Variants in RBFOX3 observed in about 807,000 individuals in gnomAD.
RBFOX3 encodes the protein RNA binding fox-1 homolog 3.
A neutral mutation model predicts 48.7 loss-of-function variants in RBFOX3; 17 were observed. That is an observed-to-expected ratio of 0.35 (90% CI 0.24 to 0.52). The LOEUF (loss-of-function observed/expected upper bound fraction) is 0.52, where lower values mean the gene tolerates loss of function less well. Ranked by LOEUF, RBFOX3 falls within the 20% of genes least tolerant of loss-of-function variation. The pLI, the probability that RBFOX3 is intolerant of heterozygous loss-of-function variation, is 0.94. For synonymous variants in RBFOX3, 212 were observed against 209.5 expected (o/e 1.01, Z -0.10); for missense variants, 382 against 497.5 (o/e 0.77, Z 2.21).
chr17:79,344,094 T>A (rs2082505490), intron 2 of RBFOX3, among the ~76,000 whole-genome samples: 1 of 152,194 alleles, frequency 6.6e-6, no homozygotes, highest in African/African-American at 2.4e-5. Context: ...GTGGGCTACA[T>A]GCACCCCTGT....
intron 3 of RBFOX3, among the ~76,000 whole-genome samples, chr17:79,262,701 C>A (rs1478270555): frequency 6.6e-6 from 1 of 152,186 alleles, no homozygotes; most frequent in Non-Finnish European, 1.5e-5. Context: ...TCTGTGGCTG[C>A]CCCGTGTGCC....
At chr17:79,503,751 C>G (rs1362427978) in intron 1 of RBFOX3, among the ~76,000 whole-genome samples, 1 of 152,190 alleles carries the variant, frequency 6.6e-6, no homozygotes, top group East Asian at 1.9e-4. Flanking sequence ...GAAGCCGGTT[C>G]CCAGGAGCTG....
chr17:79,578,131 G>T (rs1358896427), intron 1 of RBFOX3, among the ~76,000 whole-genome samples: 1 of 152,252 alleles, frequency 6.6e-6, no homozygotes, highest in Non-Finnish European at 1.5e-5. Flanking sequence ...GAGGGAAGGG[G>T]GGTGGCCCAA....
At chr17:79,505,886 A>G (rs2083043243) in intron 1 of RBFOX3, among the ~76,000 whole-genome samples, 1 of 152,206 alleles carries the variant, frequency 6.6e-6, no homozygotes, top group Non-Finnish European at 1.5e-5. Flanking sequence ...CCAGGCAACC[A>G]AGGTGGGGTC....
intron 4 of RBFOX3, among the ~76,000 whole-genome samples, chr17:79,180,155 G>C (rs1176976677): frequency 6.6e-6 from 1 of 152,222 alleles, no homozygotes; most frequent in Non-Finnish European, 1.5e-5. Context: ...TGAGAAGACA[G>C]AGGGACCAAC....
At chr17:79,387,850 A>G (rs1393502638) in intron 2 of RBFOX3, among the ~76,000 whole-genome samples, 4 of 152,244 alleles carry the variant, frequency 2.6e-5, no homozygotes. Flanking sequence ...TAACGTGTGC[A>G]TGGGTATGTG....
intron 3 of RBFOX3, among the ~76,000 whole-genome samples, chr17:79,304,538 C>T (rs962389024): frequency 2.0e-5 from 3 of 151,640 alleles, no homozygotes; most frequent in Admixed American, 2.0e-4. Flanking sequence ...TCACACACAT[C>T]ACACACGCAC....
chr17:79,574,121 T>C (rs962525863), intron 1 of RBFOX3, among the ~76,000 whole-genome samples: 3,581 of 152,224 alleles, frequency 0.024, 149 homozygotes, highest in African/African-American at 0.081. Flanking sequence ...CACGGAGAAG[T>C]TACAGAAGGT....
intron 3 of RBFOX3, among the ~76,000 whole-genome samples, chr17:79,274,820 G>C (rs958803183): frequency 2.0e-5 from 3 of 151,834 alleles, no homozygotes; most frequent in Non-Finnish European, 4.4e-5. Context: ...CCCTGACCAC[G>C]GTCCCGCCAG....
rs143733933 is a variant in RBFOX3 at position 79,363,337 on chromosome 17, C to T, written c.-174-55513G>A. ...CTGTGAATGGAGACTCTCTTGGCAA[C>T]GCCAGGGAGAGGAACAGGATTCCTG... On this transcript the variant is annotated intron_variant, in intron 2 of 14. Transcript: ENST00000693108. This position sits in a 1 kb window ranked among gnomAD's most constrained non-coding sequence, Gnocchi z 4.7. 5.7e-4 allele frequency among the ~76,000 whole-genome samples: 87 copies of T among 152,180 alleles called. No individual in the cohort carries two copies. Among genetic ancestry groups the T allele is most frequent in the African/African-American group, 1.8e-3 (75 of 41,508 alleles).
chr17:79,425,202 C>G (rs782549143), intron 2 of RBFOX3, among the ~76,000 whole-genome samples: 3 of 152,172 alleles, frequency 2.0e-5, no homozygotes, highest in Non-Finnish European at 2.9e-5. Context: ...GCCACCGCAC[C>G]CTGCAAACCC....
At chr17:79,420,872 G>A (rs782513225) in intron 2 of RBFOX3, among the ~76,000 whole-genome samples, 13 of 152,182 alleles carry the variant, frequency 8.5e-5, no homozygotes, top group Non-Finnish European at 1.9e-4. Context: ...GTGATGTGGG[G>A]GCTGGTCTGG....
At chr17:79,257,642 G>A (rs2065098816) in intron 3 of RBFOX3, among the ~76,000 whole-genome samples, 2 of 152,188 alleles carry the variant, frequency 1.3e-5, no homozygotes, top group Non-Finnish European at 2.9e-5. Flanking sequence ...GTGCTGTGGT[G>A]CAGTCTCAGC....
rs147830981 is a variant in RBFOX3 at position 79,157,721 on chromosome 17, A to G, written c.-33-41973T>C. Reference sequence around the variant, plus strand: ...TCCCTCCCAGGCCCACGCTGTCCCCACCACCACCTCTTAAGGCTGGCAGTG... The same window carrying G: ...TCCCTCCCAGGCCCACGCTGTCCCCGCCACCACCTCTTAAGGCTGGCAGTG... On this transcript the variant is annotated intron_variant, in intron 4 of 14. Coordinates refer to ENST00000693108, the MANE Select transcript of RBFOX3 (RefSeq NM_001350451.2). 3.3e-5 allele frequency among the ~76,000 whole-genome samples: 5 copies of G among 152,236 alleles called. No individual in the cohort carries two copies. The East Asian group carries it at 9.6e-4, about 29-fold the overall frequency.
At chr17:79,515,078 C>T (rs1353174023) in intron 1 of RBFOX3, among the ~76,000 whole-genome samples, 9 of 152,216 alleles carry the variant, frequency 5.9e-5, no homozygotes, top group Admixed American at 3.9e-4. Context: ...GCCTGGGTCC[C>T]TCAGCCTGGG....
At chr17:79,464,176 C>T (rs150402317) in intron 2 of RBFOX3, among the ~76,000 whole-genome samples, 133 of 152,358 alleles carry the variant, frequency 8.7e-4, no homozygotes, top group African/African-American at 3.0e-3. Flanking sequence ...TGCTCTGTGG[C>T]GAGGCCTCTG....
At chr17:79,281,662 G>T (rs572306878) in intron 3 of RBFOX3, among the ~76,000 whole-genome samples, 7 of 152,222 alleles carry the variant, frequency 4.6e-5, no homozygotes, top group Non-Finnish European at 5.9e-5. Flanking sequence ...AGCCCATTCT[G>T]CTCAGTGATC....
intron 1 of RBFOX3, among the ~76,000 whole-genome samples, chr17:79,559,707 G>T (rs1273711798): frequency 6.8e-6 from 1 of 147,726 alleles, no homozygotes; most frequent in East Asian, 2.1e-4. Flanking sequence ...GGATGGATGG[G>T]TGGATGATGG....
intron 2 of RBFOX3, among the ~76,000 whole-genome samples, chr17:79,330,626 A>C (rs1441065178): frequency 3.3e-5 from 5 of 151,388 alleles, no homozygotes; most frequent in Non-Finnish European, 5.9e-5. Flanking sequence ...CCTCTCCCAC[A>C]CCCCTGACTC....
Sources: gnomAD v4.1 joint callset for allele counts (sites outside exome capture counted in the v4.1 genomes callset) on GRCh38, gnomAD v4.1.1 for gene constraint, Gnocchi (gnomAD v3.1) non-coding constraint, MANE v1.5 for transcripts, NCBI Gene and HGNC (gene_info 2026-07-23, HGNC 2026-07-21) for gene names.